The following NSDHL variants were observed in gnomAD, a reference collection of about 807,000 sequenced individuals.
NSDHL encodes sterol-4-alpha-carboxylate 3-dehydrogenase, decarboxylating.
In NSDHL, 1 loss-of-function variant was observed where a neutral mutation model predicts 23.0. That is an observed-to-expected ratio of 0.04 (90% CI 0.02 to 0.21). The LOEUF is 0.21. Ranked by LOEUF, NSDHL falls within the 10% of genes least tolerant of loss-of-function variation. The pLI, the probability that NSDHL is intolerant of heterozygous loss-of-function variation, is 1.00. For synonymous variants in NSDHL, 128 were observed against 121.1 expected, an observed-to-expected ratio of 1.06 and a Z score of -0.37; for missense variants, 237 against 300.9, an observed-to-expected ratio of 0.79 and a Z score of 1.57.
At chrX:152,840,048 T>C (rs782638680) in intron 1 of NSDHL, among the ~76,000 whole-genome samples, 1 of 112,442 alleles carries the variant, frequency 8.9e-6, no homozygotes, top group South Asian at 3.7e-4. Flanking sequence ...ATTTCATTAA[T>C]TTGATCTTCA....
At chrX:152,839,221 C>G (rs1459402710) in intron 1 of NSDHL, among the ~76,000 whole-genome samples, 1 of 112,108 alleles carries the variant, frequency 8.9e-6, no homozygotes, top group East Asian at 2.8e-4. Context: ...CTCCTGAATA[C>G]AGCACACTGA....
intron 1 of NSDHL, among the ~76,000 whole-genome samples, chrX:152,845,013 C>T (rs781797918): frequency 1.2e-4 from 14 of 112,253 alleles, no homozygotes; most frequent in Non-Finnish European, 1.7e-4. Flanking sequence ...AGGGCAGGCA[C>T]AGAGCTACAG....
intron 1 of NSDHL, among the ~76,000 whole-genome samples, chrX:152,833,236 T>C (rs1933040624): frequency 1.3e-5 from 1 of 78,700 alleles, no homozygotes; most frequent in Non-Finnish European, 2.5e-5. Flanking sequence ...TAGTGAAGTT[T>C]TAGGTGAGTC....
At chrX:152,834,973 C>G (rs1012315574) in intron 1 of NSDHL, among the ~76,000 whole-genome samples, 2 of 108,576 alleles carry the variant, frequency 1.8e-5, no homozygotes, top group Non-Finnish European at 3.9e-5. Flanking sequence ...ACAACCTTTC[C>G]CCTTTACAAA....
intron 1 of NSDHL, among the ~76,000 whole-genome samples, chrX:152,843,417 A>G (rs894773924): frequency 2.0e-4 from 22 of 112,368 alleles, no homozygotes; most frequent in African/African-American, 6.1e-4. Flanking sequence ...CCACAAGTCC[A>G]AAATCAAGGT....
chrX:152,833,310 G>A lies in NSDHL; in HGVS notation c.-44+2193G>A, dbSNP rs1477279740. Among the ~76,000 whole-genome samples, 5 of 86,325 alleles carry A rather than the reference G, an allele frequency of 5.8e-5. No homozygotes were observed. In the East Asian group the frequency reaches 1.8e-3, roughly 30 times the overall value. 75.0% of individuals were successfully genotyped at this position (86,325 alleles called of 115,157 possible). ...CCCCTAACCCCCACATTGTTCAAGA[G>A]TCAAATGTAGTTCTTGTCTCTGATT... On this transcript the variant is annotated intron_variant, in intron 1 of 7. Coordinates refer to ENST00000370274, the MANE Select transcript of NSDHL (RefSeq NM_015922.3).
At chrX:152,868,168 C>T (rs1260301493) in intron 7 of NSDHL, among the ~76,000 whole-genome samples, 1 of 103,473 alleles carries the variant, frequency 9.7e-6, no homozygotes, top group African/African-American at 3.6e-5. Context: ...GAGACAGTCT[C>T]ACTCTGTCAC....
At chrX:152,854,924 T>C (rs992095581) in intron 3 of NSDHL, among the ~76,000 whole-genome samples, 2 of 109,252 alleles carry the variant, frequency 1.8e-5, no homozygotes, top group Non-Finnish European at 3.8e-5. Context: ...GAGACAGATA[T>C]ACATACATAT....
In NSDHL at chrX:152,839,037, C is replaced by T. The variant is rs782152479; in HGVS notation, c.-43-7245C>T. Among the ~76,000 whole-genome samples the T allele has an allele frequency of 1.2e-4, 13 of 112,190 alleles. No homozygotes were observed. The East Asian group carries it at 3.6e-3, about 31-fold the overall frequency. ...TTAGCTCTTCTTGTTGAATGGATCCCTTTACCATTATGTAATGGCCTTCTT... is the reference window on the plus strand; with the variant it reads ...TTAGCTCTTCTTGTTGAATGGATCCTTTTACCATTATGTAATGGCCTTCTT... On this transcript the variant is annotated intron_variant, in intron 1 of 7. Transcript: ENST00000370274.
At chrX:152,860,955 T>C (rs1197459555) in intron 4 of NSDHL, among the ~76,000 whole-genome samples, 1 of 112,331 alleles carries the variant, frequency 8.9e-6, no homozygotes, top group African/African-American at 3.2e-5. Context: ...TGATATCTTA[T>C]TGAACAGATC....
chrX:152,855,607 C>T (rs189905216), intron 3 of NSDHL, among the ~76,000 whole-genome samples: 4 of 111,464 alleles, frequency 3.6e-5, no homozygotes, highest in East Asian at 5.7e-4. Flanking sequence ...TTCTAGAAGC[C>T]GTGCTGGACA....
intron 1 of NSDHL, among the ~76,000 whole-genome samples, chrX:152,840,224 A>G (rs1556844694): frequency 1.8e-5 from 2 of 112,008 alleles, no homozygotes; most frequent in African/African-American, 6.5e-5. Flanking sequence ...CAAGGTTTTT[A>G]GCTTCCTTGC....
At chrX:152,868,733 T>C (rs782551653) in intron 7 of NSDHL, 51 bp from the exon 8 acceptor site, 2 of 1,047,226 alleles carry the variant, frequency 1.9e-6, no homozygotes, top group South Asian at 3.7e-5. Flanking sequence ...GCTTCAACTT[T>C]GGGCAGGTGG....
chrX:152,856,690 A>G (rs1028120029), intron 3 of NSDHL, among the ~76,000 whole-genome samples: 25 of 112,587 alleles, frequency 2.2e-4, no homozygotes, highest in Non-Finnish European at 5.6e-5. Context: ...CCCCTGGCCA[A>G]ATTTGGGACA....
chrX:152,848,165 C>T (rs1933303348), intron 2 of NSDHL, among the ~76,000 whole-genome samples: 1 of 111,649 alleles, frequency 9.0e-6, no homozygotes, highest in African/African-American at 3.3e-5. Flanking sequence ...TGCCTGGCCC[C>T]TATTCTTAAC....
At chrX:152,844,667 A>T (rs1556845313) in intron 1 of NSDHL, among the ~76,000 whole-genome samples, 1 of 112,511 alleles carries the variant, frequency 8.9e-6, no homozygotes, top group African/African-American at 3.2e-5. Flanking sequence ...AATAACAGTC[A>T]CTTGCCCCAC....
chrX:152,831,845 G>A (rs1051878278), intron 1 of NSDHL: 3 of 111,382 alleles, frequency 2.7e-5, no homozygotes, highest in African/African-American at 9.8e-5. Context: ...AGGCATAGGG[G>A]CAGTAATCTA....
In NSDHL at chrX:152,868,898, T is replaced by C. The variant is rs782181497; in HGVS notation, c.904T>C (p.Tyr302His). Residue 302 changes from tyrosine to histidine, a missense_variant, in exon 8 of 8, where the codon TAC (tyrosine) becomes CAC (histidine). Coordinates refer to ENST00000370274, the MANE Select transcript of NSDHL (RefSeq NM_015922.3). The stretch of plus-strand genomic sequence containing the variant: ...CCACATCCCCTACTGGGTGGCCTAC[T>C]ACCTGGCCCTCCTGCTATCCCTGCT... Reference protein sequence around the residue: ...KYHIPYWVAYYLALLLSLLVM... With the variant: ...KYHIPYWVAYHLALLLSLLVM... 8.3e-6 allele frequency: 10 copies of C among 1,210,534 alleles called. No individual in the cohort carries two copies. Among genetic ancestry groups the C allele is most frequent in the Admixed American group, 2.2e-5 (1 of 45,888 alleles).
chrX:152,839,193 A>T (rs1399626178), intron 1 of NSDHL, among the ~76,000 whole-genome samples: 1 of 111,592 alleles, frequency 9.0e-6, no homozygotes, highest in Non-Finnish European at 1.9e-5. Context: ...TATGTACGTC[A>T]CTGCACGTGA....
Sources: allele counts gnomAD v4.1 joint callset (sites outside exome capture counted in the v4.1 genomes callset), GRCh38; gene constraint gnomAD v4.1.1; transcripts MANE v1.5; gene names NCBI Gene and HGNC (gene_info 2026-07-23, HGNC 2026-07-21).